The following SOX5 variants were observed in gnomAD, a reference collection of about 807,000 sequenced individuals.
SOX5 encodes SRY-box transcription factor 5, also known as transcription factor SOX-5.
Under a neutral mutation model 92.0 loss-of-function variants are expected in SOX5, and 9 were observed. The observed-to-expected ratio is 0.10, with a 90% confidence interval of 0.06 to 0.17. The LOEUF is 0.17. SOX5 is among the 10% of genes least tolerant of loss of function. The pLI, the probability that SOX5 is intolerant of heterozygous loss-of-function variation, is 1.00. For synonymous variants in SOX5, 344 were observed against 336.3 expected (o/e 1.02, Z -0.25); for missense variants, 642 against 944.5 (o/e 0.68, Z 4.20).
At chr12:24,347,325 C>G (rs1177941345) in intron 2 of SOX5, among the ~76,000 whole-genome samples, 1 of 152,112 alleles carries the variant, frequency 6.6e-6, no homozygotes, top group Non-Finnish European at 1.5e-5. Flanking sequence ...CTTGAGCATC[C>G]TTGAAATTTG....
intron 3 of SOX5, among the ~76,000 whole-genome samples, chr12:23,840,095 A>G (rs2096493924): frequency 6.6e-6 from 1 of 152,096 alleles, no homozygotes; most frequent in South Asian, 2.1e-4. Context: ...TCAAGGAATC[A>G]GTAAAAACTA....
chr12:23,735,421 A>G (rs957320049), intron 5 of SOX5, among the ~76,000 whole-genome samples: 2 of 152,024 alleles, frequency 1.3e-5, no homozygotes, highest in Non-Finnish European at 2.9e-5. Context: ...CCGATCATGA[A>G]CTTTCTCTGT....
intron 3 of SOX5, among the ~76,000 whole-genome samples, chr12:24,226,463 AT>A (rs1246222708): frequency 6.6e-6 from 1 of 151,314 alleles, no homozygotes; most frequent in African/African-American, 2.4e-5. Context: ...CTTCCTCATT[AT>A]TTTATTTATT....
In SOX5 at chr12:23,567,945, C is replaced by T. The variant is rs189047907; in HGVS notation, c.1343-4542G>A. Among the ~76,000 whole-genome samples, 29 of 152,092 alleles carry T rather than the reference C, an allele frequency of 1.9e-4. No individual in the cohort carries two copies. The East Asian group carries it at 4.2e-3, about 22-fold the overall frequency. ...AAGGAAAGTAGTAATGGCTGCTATA[C>T]AAGGAAAGAAAATAAAATACAAAAC... On this transcript the variant is annotated intron_variant, in intron 10 of 14. Coordinates refer to ENST00000451604, the MANE Select transcript of SOX5 (RefSeq NM_006940.6).
upstream of SOX5, among the ~76,000 whole-genome samples, chr12:23,952,496 T>C (rs1945783995): frequency 6.6e-6 from 1 of 152,214 alleles, no homozygotes; most frequent in Non-Finnish European, 1.5e-5. Context: ...ACTTAATATA[T>C]GTATACATCT....
chr12:24,319,233 C>T (rs533008659), intron 2 of SOX5, among the ~76,000 whole-genome samples: 21 of 152,306 alleles, frequency 1.4e-4, no homozygotes, highest in African/African-American at 5.1e-4. Context: ...AAATTTCTAC[C>T]AGCACTAAGC....
intron 1 of SOX5, among the ~76,000 whole-genome samples, chr12:24,525,295 A>G (rs1475507907): frequency 6.6e-6 from 1 of 152,192 alleles, no homozygotes; most frequent in Non-Finnish European, 1.5e-5. Context: ...ACAGACAAAT[A>G]CTGCATGAGT....
intron 4 of SOX5, among the ~76,000 whole-genome samples, chr12:23,984,874 T>C (rs1202415484): frequency 6.6e-6 from 1 of 152,338 alleles, no homozygotes; most frequent in Non-Finnish European, 1.5e-5. Context: ...TTGTAATTAG[T>C]ATATTAACTT....
intron 3 of SOX5, among the ~76,000 whole-genome samples, chr12:23,756,614 G>T (rs763774613): frequency 2.0e-5 from 3 of 151,862 alleles, no homozygotes; most frequent in Non-Finnish European, 4.4e-5. Context: ...CGTGATTAGC[G>T]CAGCATTCAC....
At chr12:23,777,841 A>C (rs2095155190) in intron 3 of SOX5, among the ~76,000 whole-genome samples, 1 of 152,204 alleles carries the variant, frequency 6.6e-6, no homozygotes, top group African/African-American at 2.4e-5. Flanking sequence ...ACTTGCACTG[A>C]GTAAGCTGAC....
chr12:23,613,269 C>T (rs1011920494), intron 8 of SOX5, among the ~76,000 whole-genome samples: 3 of 151,678 alleles, frequency 2.0e-5, no homozygotes, highest in Non-Finnish European at 2.9e-5. Flanking sequence ...TCAAAATGAC[C>T]TGGATGCAAA....
Position 24,203,472 on chromosome 12 carries a change from T to C in SOX5, c.-2+9871A>G, listed in dbSNP as rs570055402. Among the ~76,000 whole-genome samples, 45 of 152,336 alleles carry C rather than the reference T, an allele frequency of 3.0e-4. 2 individuals carry two copies. The highest frequency in any genetic ancestry group is 1.1e-3 in the African/African-American group (44 of 41,574). On this transcript the variant is annotated intron_variant, in intron 4 of 4. Coordinates refer to the SOX5 transcript ENST00000446891. ...AATGCTTCTAGGCCCTCTCAGCAGA[T>C]AGAGCTGGGAATATTTAAATGAACA...
At chr12:23,673,052 T>A (rs1432071979) in intron 6 of SOX5, among the ~76,000 whole-genome samples, 3 of 152,146 alleles carry the variant, frequency 2.0e-5, no homozygotes, top group African/African-American at 7.2e-5. Context: ...ATAATCTCCA[T>A]ATTAAAAGTT....
intron 6 of SOX5, among the ~76,000 whole-genome samples, chr12:23,687,481 G>A (rs948459129): frequency 1.1e-4 from 16 of 151,968 alleles, no homozygotes; most frequent in African/African-American, 3.9e-4. Flanking sequence ...AGAAAACAAT[G>A]TTTTCAATGA....
chr12:23,964,526 A>C (rs1453035834), intron 4 of SOX5, among the ~76,000 whole-genome samples: 1 of 152,186 alleles, frequency 6.6e-6, no homozygotes, highest in Non-Finnish European at 1.5e-5. Flanking sequence ...CATCTCCTTC[A>C]AGGCCAACTT....
chr12:24,107,248 G>A (rs1054461875), intron 4 of SOX5, among the ~76,000 whole-genome samples: 1 of 152,088 alleles, frequency 6.6e-6, no homozygotes, highest in African/African-American at 2.4e-5. Flanking sequence ...TATCTTTGGG[G>A]CAGCCACTCT....
intron 4 of SOX5, among the ~76,000 whole-genome samples, chr12:24,156,108 A>C (rs1952141145): frequency 6.6e-6 from 1 of 152,110 alleles, no homozygotes; most frequent in African/African-American, 2.4e-5. Context: ...GGCCTCTTCC[A>C]CTGTAGGAAC....
intron 6 of SOX5, among the ~76,000 whole-genome samples, chr12:23,689,895 G>C (rs1194121168): frequency 6.6e-6 from 1 of 152,086 alleles, no homozygotes; most frequent in Non-Finnish European, 1.5e-5. Context: ...CTGGCACTGA[G>C]GCTACCTGGA....
At chr12:23,979,199 A>G (rs1338034974) in intron 4 of SOX5, among the ~76,000 whole-genome samples, 1 of 152,026 alleles carries the variant, frequency 6.6e-6, no homozygotes, top group Non-Finnish European at 1.5e-5. Context: ...GGACTTTAAA[A>G]TGGTAATTAA....
Sources: gnomAD v4.1 joint callset for allele counts (sites outside exome capture counted in the v4.1 genomes callset) on GRCh38, gnomAD v4.1.1 for gene constraint, MANE v1.5 for transcripts, NCBI Gene and HGNC (gene_info 2026-07-23, HGNC 2026-07-21) for gene names.